Variants in SPATS2L observed in about 807,000 individuals in gnomAD.
SPATS2L encodes the protein spermatogenesis associated serine rich 2 like.
SPATS2L carries 30 observed loss-of-function variants against 59.6 expected under a neutral mutation model. The observed-to-expected ratio is 0.50, with a 90% confidence interval of 0.38 to 0.68. The LOEUF (loss-of-function observed/expected upper bound fraction) is 0.68, where lower values mean the gene tolerates loss of function less well. Among genes scored for constraint, SPATS2L ranks in the 30% least tolerant of loss-of-function variants. The probability of loss-of-function intolerance (pLI) is 0.00; values close to 1 mark genes in which losing one functional copy is unlikely to be tolerated. For missense variants in SPATS2L, 615 were observed against 700.0 expected (o/e 0.88, Z 1.37); for synonymous variants, 252 against 263.5 (o/e 0.96, Z 0.42).
At chr2:200,465,298 C>A (rs754235682) in intron 9 of SPATS2L, among the ~76,000 whole-genome samples, 1 of 152,224 alleles carries the variant, frequency 6.6e-6, no homozygotes, top group Non-Finnish European at 1.5e-5. Flanking sequence ...CCAGAAATTC[C>A]AGTACTTTAA....
intron 2 of SPATS2L, among the ~76,000 whole-genome samples, chr2:200,366,552 C>G (rs1029820345): frequency 1.3e-5 from 2 of 152,096 alleles, no homozygotes; most frequent in African/African-American, 2.4e-5. Flanking sequence ...AGAAAAAAGT[C>G]TGCAAATATT....
chr2:200,385,203 G>C (rs2081952513), intron 2 of SPATS2L, among the ~76,000 whole-genome samples: 1 of 152,152 alleles, frequency 6.6e-6, no homozygotes, highest in African/African-American at 2.4e-5. Flanking sequence ...AAGGTCTGTT[G>C]TCCCCAGACA....
chr2:200,316,870 G>A (rs1191895463), intron 1 of SPATS2L, among the ~76,000 whole-genome samples: 1 of 152,186 alleles, frequency 6.6e-6, no homozygotes, highest in East Asian at 1.9e-4. Flanking sequence ...TTTGCCTGGA[G>A]CTTGGCTTTT....
chr2:200,361,988 C>A (rs2081122351), intron 2 of SPATS2L, among the ~76,000 whole-genome samples: 1 of 152,082 alleles, frequency 6.6e-6, no homozygotes, highest in African/African-American at 2.4e-5. Flanking sequence ...TGCCTGTAAT[C>A]CCAGCACTTC....
intron 6 of SPATS2L, among the ~76,000 whole-genome samples, 173 bp from the exon 7 acceptor site, chr2:200,438,949 G>C (rs2084493564): frequency 6.6e-6 from 1 of 152,134 alleles, no homozygotes; most frequent in Non-Finnish European, 1.5e-5. Flanking sequence ...GGCTCTTCTA[G>C]TACACCCTCT....
chr2:200,313,431 GCAGTGGTA>G (rs2079258602), intron 1 of SPATS2L, among the ~76,000 whole-genome samples: 2 of 152,082 alleles, frequency 1.3e-5, no homozygotes, highest in African/African-American at 2.4e-5. Context: ...AAAATGTTTT[GCAGTGGTA>G]ATCTGTGTCC....
chr2:200,387,747 A>G (rs950682015), intron 2 of SPATS2L, among the ~76,000 whole-genome samples: 1 of 152,230 alleles, frequency 6.6e-6, no homozygotes, highest in African/African-American at 2.4e-5. Context: ...TTGATTGACA[A>G]AAAGCATTCA....
chr2:200,426,175 C>T (rs1330551378), intron 6 of SPATS2L, among the ~76,000 whole-genome samples: 1 of 147,072 alleles, frequency 6.8e-6, no homozygotes, highest in Non-Finnish European at 1.5e-5. Context: ...ACTGCAACCT[C>T]CATCTCCTGG....
rs2084523992 is a variant in SPATS2L, at chr2:200,439,283, G to A, written c.607G>A (p.Ala203Thr). ...KTSPVKSNTP[A>T]AHLEIKPDEL... ...ATCTCCTGTTAAGTCCAATACCCCT[G>A]CAGCTCATCTTGAAATAAAGCCAGA... Residue 203 changes from alanine (A) to threonine (T), a missense_variant, in exon 7 of 13, where the codon GCA (alanine) becomes ACA (threonine). Coordinates refer to ENST00000409140, the MANE Select transcript of SPATS2L (RefSeq NM_001100423.2). 1 of 1,613,630 alleles carries A rather than the reference G, an allele frequency of 6.2e-7. No homozygotes were observed. Among genetic ancestry groups the A allele is most frequent in the Middle Eastern group, 1.7e-4 (1 of 6,058 alleles).
intron 2 of SPATS2L, among the ~76,000 whole-genome samples, chr2:200,350,474 A>G (rs1559058680): frequency 6.6e-6 from 1 of 152,158 alleles, no homozygotes; most frequent in Non-Finnish European, 1.5e-5. Context: ...TTTAAAAAAT[A>G]TATTATTTAA....
At chr2:200,395,472 G>A (rs891477780) in intron 3 of SPATS2L, among the ~76,000 whole-genome samples, 7 of 152,194 alleles carry the variant, frequency 4.6e-5, no homozygotes, top group African/African-American at 1.4e-4. Flanking sequence ...TGGAAAGAGT[G>A]TGGAGTTTGG....
At chr2:200,440,504 G>C (rs2084624367) in intron 7 of SPATS2L, 145 bp from the exon 8 acceptor site, 1 of 783,236 alleles carries the variant, frequency 1.3e-6, no homozygotes, top group African/African-American at 1.8e-5. Flanking sequence ...CCCACACTGG[G>C]TTACAAACAT....
At chr2:200,455,545 C>T (rs956811761) in intron 8 of SPATS2L, among the ~76,000 whole-genome samples, 12 of 152,218 alleles carry the variant, frequency 7.9e-5, no homozygotes, top group Non-Finnish European at 4.4e-5. Flanking sequence ...GATCAGCTCA[C>T]ATTTCGAGGC....
intron 2 of SPATS2L, among the ~76,000 whole-genome samples, chr2:200,342,804 C>A (rs1329019037): frequency 1.3e-5 from 2 of 152,072 alleles, no homozygotes; most frequent in Non-Finnish European, 2.9e-5. Context: ...CATTCAGTCT[C>A]CAAATATAGC....
chr2:200,440,914 T>A, intron 8 of SPATS2L, 130 bp downstream of exon 8: 3 of 991,686 alleles, frequency 3.0e-6, no homozygotes, highest in Non-Finnish European at 4.4e-6. Context: ...CAAATTTTGT[T>A]AAGCCCTGCA....
intron 2 of SPATS2L, among the ~76,000 whole-genome samples, chr2:200,388,976 ATCTG>A (rs1280471309): frequency 6.6e-6 from 1 of 152,222 alleles, no homozygotes; most frequent in Non-Finnish European, 1.5e-5. Flanking sequence ...ATAAATTCCC[ATCTG>A]TCTTTGTCGT....
chr2:200,328,010 CA>C (rs1403059813), intron 1 of SPATS2L, among the ~76,000 whole-genome samples: 2 of 152,210 alleles, frequency 1.3e-5, no homozygotes, highest in African/African-American at 4.8e-5. Context: ...TTGTAGAAAA[CA>C]AATCTAACTT....
Position 200,479,245 on chromosome 2 carries a change from G to C in SPATS2L, c.*1214G>C. Reference sequence around the variant, plus strand: ...TATCTTAGCTCTCCTTTCCTCCTTGGGTTGACATTGCATTCAGAATTGTGG... The same window carrying C: ...TATCTTAGCTCTCCTTTCCTCCTTGCGTTGACATTGCATTCAGAATTGTGG... On this transcript the variant is annotated 3_prime_UTR_variant, in exon 13 of 13. Coordinates refer to ENST00000409140, the MANE Select transcript of SPATS2L (RefSeq NM_001100423.2). 3.8e-6 allele frequency: 1 copy of C among 261,706 alleles called. No homozygotes were observed. The highest frequency in any genetic ancestry group is 6.4e-5 in the East Asian group (1 of 15,626). The allele number at this position is 261,706 out of a possible 1,614,324, so 16.2% of individuals were successfully genotyped here.
At chr2:200,439,057 C>T in intron 6 of SPATS2L, 65 bp from the exon 7 acceptor site, 6 of 1,397,814 alleles carry the variant, frequency 4.3e-6, no homozygotes, top group Non-Finnish European at 6.0e-6. Flanking sequence ...TGGCATCCTC[C>T]ATCACTTTAT....
Sources: allele counts gnomAD v4.1 joint callset (sites outside exome capture counted in the v4.1 genomes callset), GRCh38; gene constraint gnomAD v4.1.1; transcripts MANE v1.5; gene names NCBI Gene and HGNC (gene_info 2026-07-23, HGNC 2026-07-21).